MYH11: variants seen among roughly 807,000 people sequenced by gnomAD.
The protein encoded by MYH11 is myosin heavy chain 11.
A neutral mutation model predicts 246.6 loss-of-function variants in MYH11; 80 were observed. That is an observed-to-expected ratio of 0.32 (90% CI 0.27 to 0.39). The LOEUF (loss-of-function observed/expected upper bound fraction) is 0.39. Ranked by LOEUF, MYH11 falls within the 10% of genes least tolerant of loss-of-function variation. MYH11 has a pLI of 1.00. For missense variants in MYH11, 2,158 were observed against 2,546.8 expected (o/e 0.85, Z 3.29); for synonymous variants, 1,071 against 1,015.5 (o/e 1.05, Z -1.04).
chr16:15,799,523 C>G (rs1180661566), intron 3 of MYH11, among the ~76,000 whole-genome samples: 1 of 152,148 alleles, frequency 6.6e-6, no homozygotes. Flanking sequence ...TTGTTTACCA[C>G]CAGAGAAACC....
chr16:15,814,636 T>A (rs149408888), intron 3 of MYH11, among the ~76,000 whole-genome samples: 2 of 135,238 alleles, frequency 1.5e-5, no homozygotes, highest in East Asian at 5.0e-4. Flanking sequence ...GGAAACGACC[T>A]AATTTCAACA....
intron 3 of MYH11, among the ~76,000 whole-genome samples, chr16:15,805,114 C>T (rs2042979616): frequency 6.6e-6 from 1 of 152,166 alleles, no homozygotes; most frequent in African/African-American, 2.4e-5. Flanking sequence ...GAGACCTTTC[C>T]ACTTGACCTC....
chr16:15,737,910 A>G (rs1463011683), intron 24 of MYH11, among the ~76,000 whole-genome samples: 2 of 152,090 alleles, frequency 1.3e-5, no homozygotes, highest in African/African-American at 4.8e-5. Context: ...CTCCTGCCTC[A>G]GCCTCCCGAG....
intron 33 of MYH11, among the ~76,000 whole-genome samples, chr16:15,720,587 G>GAA (rs79015002): frequency 2.4e-4 from 33 of 138,802 alleles, no homozygotes; most frequent in East Asian, 4.1e-4. Context: ...TGTCTCCACT[G>GAA]AAAAAAAAAA....
Position 15,838,072 on chromosome 16 carries a change from C to G in MYH11, c.181G>C (p.Glu61Gln), listed in dbSNP as rs2043950817. Residue 61 changes from glutamate to glutamine, a missense_variant, in exon 2 of 41, where the codon GAG becomes CAG. Glu to Gln is a conservative substitution (Grantham distance 29). Coordinates refer to ENST00000300036, the MANE Select transcript of MYH11 (RefSeq NM_002474.3). ...ACCTTCTTGCCATTCTCCACCAGCT[C>G]CACAACCACCTCATCCCCCTTCTCC... The part of the protein sequence containing the change: ...KEEKGDEVVV[E>Q]LVENGKKVTV... The G allele has an allele frequency of 6.2e-7, 1 of 1,614,104 alleles. No individual in the cohort carries two copies. Among genetic ancestry groups the G allele is most frequent in the Middle Eastern group, 1.6e-4 (1 of 6,062 alleles).
intron 25 of MYH11, among the ~76,000 whole-genome samples, chr16:15,736,813 G>A (rs1295900956): frequency 6.6e-6 from 1 of 152,174 alleles, no homozygotes; most frequent in Non-Finnish European, 1.5e-5. Flanking sequence ...ACCTGGCCAG[G>A]TGTCTGCAAA....
At chr16:15,766,491 C>T (rs995955674) in intron 9 of MYH11, among the ~76,000 whole-genome samples, 1 of 151,966 alleles carries the variant, frequency 6.6e-6, no homozygotes, top group Non-Finnish European at 1.5e-5. Context: ...CCTGCCTCAG[C>T]CTCCAGAGTA....
rs774808665 is a variant in MYH11 at position 15,782,492 on chromosome 16, C to T, written c.634-15G>A. ...TCCAGCTCTCCCTAAAATTCATTCACATCTAGTTATTGGAGAAAGCAACCT... is the reference window on the plus strand; with the variant it reads ...TCCAGCTCTCCCTAAAATTCATTCATATCTAGTTATTGGAGAAAGCAACCT... On this transcript the variant is annotated splice_polypyrimidine_tract_variant and intron_variant, in intron 5 of 40. Coordinates refer to ENST00000300036, the MANE Select transcript of MYH11 (RefSeq NM_002474.3). The T allele has an allele frequency of 1.9e-6, 3 of 1,611,270 alleles. No homozygotes were observed. Among genetic ancestry groups the T allele is most frequent in the East Asian group, 4.5e-5 (2 of 44,872 alleles).
rs562781479 is a variant in MYH11, at chr16:15,803,226, A to G, written c.503-4539T>C. On this transcript the variant is annotated intron_variant, in intron 3 of 40. Transcript: ENST00000300036. ...ACAGATACCCGTGCCTTTAGCTTCCACCCAGGGGGAGAAATTCACTCGAGG... is the reference window on the plus strand; with the variant it reads ...ACAGATACCCGTGCCTTTAGCTTCCGCCCAGGGGGAGAAATTCACTCGAGG... 2.2e-4 allele frequency among the ~76,000 whole-genome samples: 34 copies of G among 152,082 alleles called. No homozygotes were observed. In the South Asian group the frequency reaches 5.4e-3, roughly 24 times the overall value.
chr16:15,705,874 G>C (rs1009483284), intron 40 of MYH11, among the ~76,000 whole-genome samples: 23 of 151,218 alleles, frequency 1.5e-4, no homozygotes, highest in African/African-American at 5.4e-4. Flanking sequence ...CCAGCTACTC[G>C]GGAGGGAGGC....
At chr16:15,755,959 A>C (rs1181786741) in intron 14 of MYH11, among the ~76,000 whole-genome samples, 2 of 151,912 alleles carry the variant, frequency 1.3e-5, no homozygotes, top group Admixed American at 6.6e-5. Flanking sequence ...TTAGCTGGGC[A>C]TGGTGGTGTA....
At position 15,760,740 on chromosome 16, in the gene MYH11, A is replaced by C; in HGVS notation, c.1130-82T>G. 4.1e-6 allele frequency: 4 copies of C among 967,938 alleles called. No individual in the cohort carries two copies. The South Asian group carries it at 5.1e-5, about 12-fold the overall frequency. 60.0% of individuals were successfully genotyped at this position (967,938 alleles called of 1,614,324 possible). On this transcript the variant is annotated intron_variant, in intron 10 of 40. Coordinates refer to ENST00000300036, the MANE Select transcript of MYH11 (RefSeq NM_002474.3). ...AGACACATCGCATGGGATATTTGTG[A>C]TCTGTGAATACAGCGGGTTCTCTTG...
At chr16:15,802,589 T>C (rs970120476) in intron 3 of MYH11, among the ~76,000 whole-genome samples, 3 of 152,156 alleles carry the variant, frequency 2.0e-5, no homozygotes, top group African/African-American at 4.8e-5. Context: ...GCTGGGACTA[T>C]AGGCACATGC....
intron 2 of MYH11, among the ~76,000 whole-genome samples, chr16:15,829,721 T>C (rs944742418): frequency 5.3e-5 from 8 of 152,178 alleles, no homozygotes; most frequent in African/African-American, 1.9e-4. Context: ...GCTCCAGTTT[T>C]TCTCTGACGC....
chr16:15,809,209 C>G (rs1227869727), intron 3 of MYH11, among the ~76,000 whole-genome samples: 1 of 152,120 alleles, frequency 6.6e-6, no homozygotes, highest in Admixed American at 6.6e-5. Flanking sequence ...GCACAGTAGG[C>G]TGTGTCTAGG....
chr16:15,724,924 G>C lies in MYH11; in HGVS notation c.3927C>G (p.Asp1309Glu). 1 of 1,614,110 alleles carries C rather than the reference G, an allele frequency of 6.2e-7. No homozygotes were observed. The highest frequency in any genetic ancestry group is 8.5e-7 in the Non-Finnish European group (1 of 1,180,018). Residue 1309 changes from aspartate to glutamate, a missense_variant, in exon 29 of 41, where the codon GAC becomes GAG. Asp to Glu is a conservative substitution (Grantham distance 45, BLOSUM62 2). Around this residue, in one of 11 missense-constraint regions of MYH11, gnomAD observed 1,013 missense variants for 993.5 expected, o/e 1.02. Coordinates refer to ENST00000300036, the MANE Select transcript of MYH11 (RefSeq NM_002474.3). ...AEGKAIKLAK[D>E]VASLSSQLQD... The stretch of plus-strand genomic sequence containing the variant: ...GGAGCTGGGAACTGAGGGACGCCAC[G>C]TCCTTGGCCAGCTTAATGGCCTTCC...
At chr16:15,799,321 C>T (rs1398561584) in intron 3 of MYH11, among the ~76,000 whole-genome samples, 1 of 152,134 alleles carries the variant, frequency 6.6e-6, no homozygotes, top group African/African-American at 2.4e-5. Context: ...AAACTCCAAG[C>T]TCAGTCAAGG....
chr16:15,779,359 C>T (rs954348086), intron 6 of MYH11: 6 of 212,406 alleles, frequency 2.8e-5, no homozygotes, highest in African/African-American at 1.4e-4. Flanking sequence ...CCAGGTTGGC[C>T]TCAGACTGCT....
At chr16:15,815,157 C>G (rs2043234905) in intron 3 of MYH11, among the ~76,000 whole-genome samples, 1 of 152,166 alleles carries the variant, frequency 6.6e-6, no homozygotes, top group African/African-American at 2.4e-5. Flanking sequence ...AAGCACTGAG[C>G]TTCCATCAAC....
Sources: gnomAD v4.1 joint callset for allele counts (sites outside exome capture counted in the v4.1 genomes callset) on GRCh38, gnomAD v4.1.1 for gene constraint, gnomAD v4.1.1 regional missense constraint, MANE v1.5 for transcripts, NCBI Gene and HGNC (gene_info 2026-07-23, HGNC 2026-07-21) for gene names.